Variants in SHISA9 observed in about 807,000 individuals in gnomAD.
SHISA9 encodes the protein protein shisa-9.
Under a neutral mutation model 38.0 loss-of-function variants are expected in SHISA9, and 13 were observed. That is an observed-to-expected ratio of 0.34 (90% CI 0.22 to 0.54). SHISA9 has a LOEUF of 0.54. Among genes scored for constraint, SHISA9 ranks in the 20% least tolerant of loss-of-function variants. SHISA9 has a pLI of 0.91. For missense variants in SHISA9, 538 were observed against 575.8 expected (o/e 0.93, Z 0.67); for synonymous variants, 275 against 242.0 (o/e 1.14, Z -1.27).
chr16:12,944,071 G>A (rs374202791), intron 2 of SHISA9, among the ~76,000 whole-genome samples: 2 of 152,004 alleles, frequency 1.3e-5, no homozygotes, highest in Non-Finnish European at 2.9e-5. Context: ...AATAGTCCTC[G>A]CTTCCCACCC....
At chr16:13,017,913 A>C (rs1264671738) in intron 2 of SHISA9, among the ~76,000 whole-genome samples, 1 of 152,194 alleles carries the variant, frequency 6.6e-6, no homozygotes, top group Non-Finnish European at 1.5e-5. Context: ...TCAATGAAAA[A>C]ATTAGCTGAG....
At chr16:13,034,906 G>A (rs997968312) in intron 2 of SHISA9, among the ~76,000 whole-genome samples, 1 of 152,196 alleles carries the variant, frequency 6.6e-6, no homozygotes, top group Non-Finnish European at 1.5e-5. Context: ...TACTAGACAT[G>A]TGAATGAGCT....
chr16:13,464,591 A>C, the SHISA9 span, among the ~76,000 whole-genome samples: 1 of 152,140 alleles, frequency 6.6e-6, no homozygotes, highest in Non-Finnish European at 1.5e-5. Flanking sequence ...TTCAAGCTGA[A>C]ATTGCCTCCC....
chr16:13,353,877 G>C, the SHISA9 span, among the ~76,000 whole-genome samples: 2 of 152,098 alleles, frequency 1.3e-5, no homozygotes, highest in Non-Finnish European at 2.9e-5. Flanking sequence ...AAACTGCTTG[G>C]CTGATTTGAC....
At chr16:13,145,907 G>C (rs2050443110) in intron 2 of SHISA9, among the ~76,000 whole-genome samples, 1 of 152,232 alleles carries the variant, frequency 6.6e-6, no homozygotes, top group Non-Finnish European at 1.5e-5. Context: ...CATAGTGAGG[G>C]CTGGGCGAGG....
At chr16:12,966,421 G>A (rs1196642363) in intron 2 of SHISA9, among the ~76,000 whole-genome samples, 1 of 152,052 alleles carries the variant, frequency 6.6e-6, no homozygotes, top group Non-Finnish European at 1.5e-5. Context: ...AGATATGTGC[G>A]TTCTTTCTTT....
intron 2 of SHISA9, among the ~76,000 whole-genome samples, chr16:13,089,123 G>A (rs147938773): frequency 1.1e-4 from 17 of 152,288 alleles, no homozygotes; most frequent in Middle Eastern, 3.4e-3. Context: ...ATTGATTTGC[G>A]TGTGTTGAAC....
chr16:13,420,259 A>AAC, the SHISA9 span, among the ~76,000 whole-genome samples: 1 of 150,116 alleles, frequency 6.7e-6, no homozygotes, highest in African/African-American at 2.4e-5. Context: ...AAAAAAAAAA[A>AAC]AAAAAAAAAA....
intron 2 of SHISA9, among the ~76,000 whole-genome samples, chr16:12,925,891 A>T (rs1210035539): frequency 6.6e-6 from 1 of 151,862 alleles, no homozygotes; most frequent in Non-Finnish European, 1.5e-5. Context: ...TGGTATTATT[A>T]TTATTATTCT....
At chr16:13,309,861 T>C in the SHISA9 span, among the ~76,000 whole-genome samples, 1 of 151,768 alleles carries the variant, frequency 6.6e-6, no homozygotes, top group Non-Finnish European at 1.5e-5. Flanking sequence ...CTGTATTTTA[T>C]TTATTTATTT....
At chr16:12,981,731 G>A (rs1198432482) in intron 2 of SHISA9, among the ~76,000 whole-genome samples, 2 of 152,150 alleles carry the variant, frequency 1.3e-5, no homozygotes, top group African/African-American at 4.8e-5. Flanking sequence ...TATATTCGGA[G>A]ACAGGGTCTT....
chr16:13,225,747 G>A (rs537469036), intron 4 of SHISA9, among the ~76,000 whole-genome samples: 4 of 152,206 alleles, frequency 2.6e-5, no homozygotes, highest in South Asian at 2.1e-4. Context: ...TTACCTTGAC[G>A]TTCTCCCTTT....
chr16:13,517,162 C>T, the SHISA9 span, among the ~76,000 whole-genome samples: 244 of 152,076 alleles, frequency 1.6e-3, 1 homozygote, highest in African/African-American at 5.5e-3. Flanking sequence ...AAGAAGGCCA[C>T]AAAGAAAAAA....
the SHISA9 span, among the ~76,000 whole-genome samples, chr16:13,283,958 G>T: frequency 1.0e-3 from 159 of 152,104 alleles, no homozygotes; most frequent in African/African-American, 3.7e-3. Context: ...GGACAAGCTA[G>T]CCCTCAGCCA....
the SHISA9 span, among the ~76,000 whole-genome samples, chr16:13,504,744 A>G: frequency 1.3e-5 from 2 of 152,234 alleles, no homozygotes; most frequent in African/African-American, 4.8e-5. Context: ...TGTGCCCATT[A>G]TATATCAACA....
the SHISA9 span, among the ~76,000 whole-genome samples, chr16:13,459,295 C>T: frequency 6.6e-6 from 1 of 152,210 alleles, no homozygotes; most frequent in Non-Finnish European, 1.5e-5. Context: ...TTGACAAAAA[C>T]TTTATAAAGC....
chr16:13,008,288 A>G (rs1364209376), intron 2 of SHISA9, among the ~76,000 whole-genome samples: 3 of 152,094 alleles, frequency 2.0e-5, no homozygotes, highest in Non-Finnish European at 4.4e-5. Context: ...GTTCATTAAT[A>G]CACTCTTCCC....
the SHISA9 span, among the ~76,000 whole-genome samples, chr16:13,362,920 T>C: frequency 6.6e-6 from 1 of 152,222 alleles, no homozygotes; most frequent in East Asian, 1.9e-4. Flanking sequence ...CAAAAACAGT[T>C]CCCACATATA....
chr16:13,494,605 G>T, the SHISA9 span, among the ~76,000 whole-genome samples: 4 of 151,940 alleles, frequency 2.6e-5, no homozygotes, highest in Admixed American at 1.3e-4. Flanking sequence ...CTGGTATGCT[G>T]CCAGTAAAAT....
Sources: allele counts gnomAD v4.1 joint callset (sites outside exome capture counted in the v4.1 genomes callset), GRCh38; gene constraint gnomAD v4.1.1; transcripts MANE v1.5; gene names NCBI Gene and HGNC (gene_info 2026-07-23, HGNC 2026-07-21).